The following POC5 variants were observed in gnomAD, a reference collection of about 807,000 sequenced individuals.
POC5 encodes centrosomal protein POC5.
In POC5, 48 loss-of-function variants were observed where a neutral mutation model predicts 62.9. That is an observed-to-expected ratio of 0.76 (90% CI 0.61 to 0.97). The LOEUF (loss-of-function observed/expected upper bound fraction) is 0.97. Among genes scored for constraint, POC5 ranks in the 50% least tolerant of loss-of-function variants. The probability of loss-of-function intolerance (pLI) is 0.00; values close to 1 mark genes in which losing one functional copy is unlikely to be tolerated. For synonymous variants in POC5, 236 were observed against 228.2 expected (o/e 1.03, Z -0.31); for missense variants, 696 against 679.5 (o/e 1.02, Z -0.27).
intron 2 of POC5, among the ~76,000 whole-genome samples, chr5:75,710,651 C>T (rs1247355989): frequency 6.6e-6 from 1 of 152,194 alleles, no homozygotes; most frequent in African/African-American, 2.4e-5. Context: ...GACTTCTAGC[C>T]TCCAGAACTG....
intron 5 of POC5, 73 bp from the exon 6 acceptor site, chr5:75,694,904 A>G: frequency 1.9e-6 from 2 of 1,072,272 alleles, no homozygotes; most frequent in Non-Finnish European, 2.6e-6. Context: ...ACTGAAATAA[A>G]GAAACATTAA....
intron 5 of POC5, among the ~76,000 whole-genome samples, chr5:75,701,235 ACTATAAATCATGCGG>A: frequency 7.0e-6 from 1 of 142,204 alleles, no homozygotes; most frequent in East Asian, 2.0e-4. Context: ...TACCCAAAGG[ACTATAAATCATGCGG>A]CTATAAAGAC....
intron 5 of POC5, among the ~76,000 whole-genome samples, chr5:75,696,742 C>T (rs865944880): frequency 7.9e-5 from 12 of 152,002 alleles, no homozygotes; most frequent in African/African-American, 2.2e-4. Context: ...AGGCTTCAGA[C>T]GATCAAATTA....
rs148638647 is a variant in POC5, at chr5:75,693,805, C to T, written c.690+850G>A. On this transcript the variant is annotated intron_variant, in intron 6 of 11. Coordinates refer to ENST00000428202, the MANE Select transcript of POC5 (RefSeq NM_001099271.2). ...TCCTATCCATAAGTGGATGCCCCTC[C>T]GGACATCCATTTATAGCCGGGCACA... is the stretch of plus-strand genomic sequence containing the variant. Among the ~76,000 whole-genome samples the T allele has an allele frequency of 2.0e-3, 299 of 152,264 alleles. 2 individuals are homozygous for T. The highest frequency in any genetic ancestry group is 3.4e-3 in the Middle Eastern group (1 of 294).
At chr5:75,679,550 T>G (rs1579998350) in intron 10 of POC5, among the ~76,000 whole-genome samples, 1 of 151,910 alleles carries the variant, frequency 6.6e-6, no homozygotes, top group Non-Finnish European at 1.5e-5. Flanking sequence ...TTCAGTGGGG[T>G]TTTGTAATCC....
intron 11 of POC5, among the ~76,000 whole-genome samples, chr5:75,676,721 C>A (rs1775671889): frequency 6.6e-6 from 1 of 151,928 alleles, no homozygotes; most frequent in Non-Finnish European, 1.5e-5. Flanking sequence ...ACTCGGGAGG[C>A]TGAGGCAGGA....
chr5:75,680,933 T>A (rs1775847856), intron 10 of POC5, among the ~76,000 whole-genome samples: 1 of 152,176 alleles, frequency 6.6e-6, no homozygotes, highest in African/African-American at 2.4e-5. Flanking sequence ...TAGGTATGTA[T>A]CATTCTCTGC....
chr5:75,699,922 C>T (rs1459344313), intron 5 of POC5, among the ~76,000 whole-genome samples: 3 of 151,750 alleles, frequency 2.0e-5, no homozygotes, highest in Non-Finnish European at 4.4e-5. Context: ...TATACATCAA[C>T]AACAGACAAA....
chr5:75,698,640 A>G (rs1448490333), intron 5 of POC5, among the ~76,000 whole-genome samples: 6 of 152,168 alleles, frequency 3.9e-5, no homozygotes, highest in African/African-American at 1.4e-4. Flanking sequence ...TGACACCCTA[A>G]CTTCACAATT....
At chr5:75,707,693 A>G (rs1430339669) in intron 3 of POC5, 44 bp downstream of exon 3, 1 of 1,390,052 alleles carries the variant, frequency 7.2e-7, no homozygotes, top group Non-Finnish European at 9.9e-7. Flanking sequence ...TAATAAACTC[A>G]GTAATATTTT....
chr5:75,711,710 A>C (rs886307505), intron 2 of POC5, among the ~76,000 whole-genome samples: 2 of 152,236 alleles, frequency 1.3e-5, no homozygotes, highest in Non-Finnish European at 2.9e-5. Flanking sequence ...ACATTAGTTG[A>C]CAGTAATAGA....
At chr5:75,707,713 G>A (rs1209759188) in intron 3 of POC5, 24 bp downstream of exon 3, 1 of 1,461,636 alleles carries the variant, frequency 6.8e-7, no homozygotes, top group African/African-American at 1.4e-5. Context: ...TAAATTAAGA[G>A]ATATCTTGAA....
At chr5:75,692,567 CAT>C in intron 6 of POC5, 67 bp from the exon 7 acceptor site, 2 of 1,143,966 alleles carry the variant, frequency 1.7e-6, no homozygotes, top group East Asian at 5.3e-5. Context: ...GTGATTTTCT[CAT>C]ATATCAAAAA....
chr5:75,682,894 T>G (rs1170710563), intron 10 of POC5, among the ~76,000 whole-genome samples: 1 of 152,222 alleles, frequency 6.6e-6, no homozygotes, highest in African/African-American at 2.4e-5. Flanking sequence ...ACTCTTTGTG[T>G]CAATAATTGG....
intron 9 of POC5, 128 bp from the exon 10 acceptor site, chr5:75,685,612 G>C: frequency 1.1e-6 from 1 of 904,040 alleles, no homozygotes; most frequent in South Asian, 1.7e-5. Flanking sequence ...CAGTATATTA[G>C]ATACAATGTT....
chr5:75,702,947 G>A, intron 4 of POC5, 137 bp from the exon 5 acceptor site: 2 of 663,162 alleles, frequency 3.0e-6, no homozygotes, highest in South Asian at 2.0e-5. Flanking sequence ...CCTTTCAGGT[G>A]TACCTTAATC....
intron 11 of POC5, among the ~76,000 whole-genome samples, chr5:75,676,970 C>A (rs990442943): frequency 6.6e-6 from 1 of 152,114 alleles, no homozygotes; most frequent in Non-Finnish European, 1.5e-5. Flanking sequence ...TCAGAGATAT[C>A]TCATGTATCT....
chr5:75,713,013 G>T lies in POC5; in HGVS notation c.-14-62C>A, dbSNP rs1465585038. 19 of 1,211,962 alleles carry T rather than the reference G, an allele frequency of 1.6e-5. No individual in the cohort carries two copies. The South Asian group carries it at 1.6e-4, about 10-fold the overall frequency. The allele number at this position is 1,211,962 out of a possible 1,614,324, so 75.1% of individuals were successfully genotyped here. A position where few individuals can be genotyped will look rare whatever the true frequency, so the allele number is the denominator to read the frequency against. ...GATATTTAAGATAAAATCCTTTCCA[G>T]ATATATATAAGTGCAACAGTATCCA... On this transcript the variant is annotated intron_variant, in intron 1 of 11. Transcript: ENST00000428202.
chr5:75,705,907 C>A, intron 3 of POC5, 120 bp from the exon 4 acceptor site: 1 of 587,058 alleles, frequency 1.7e-6, no homozygotes, highest in South Asian at 2.7e-5. Flanking sequence ...ATACAACATG[C>A]TGGGGATATA....
Sources: allele counts gnomAD v4.1 joint callset (sites outside exome capture counted in the v4.1 genomes callset), GRCh38; gene constraint gnomAD v4.1.1; transcripts MANE v1.5; gene names NCBI Gene and HGNC (gene_info 2026-07-23, HGNC 2026-07-21).